Variants in BSN observed in about 807,000 individuals in gnomAD.
BSN encodes the protein bassoon presynaptic cytomatrix protein.
BSN carries 57 observed loss-of-function variants against 264.8 expected under a neutral mutation model. The ratio of observed to expected loss-of-function variants is 0.22; its 90% CI spans 0.17 to 0.27. The LOEUF (loss-of-function observed/expected upper bound fraction) is 0.27, where lower values mean the gene tolerates loss of function less well. BSN is among the 10% of genes least tolerant of loss of function. The probability of loss-of-function intolerance (pLI) is 1.00; values close to 1 mark genes in which losing one functional copy is unlikely to be tolerated. For synonymous variants in BSN, 2,059 were observed against 2,137.3 expected, an observed-to-expected ratio of 0.96 and a Z score of 1.01; for missense variants, 4,615 against 5,232.5, an observed-to-expected ratio of 0.88 and a Z score of 3.64.
downstream of BSN, among the ~76,000 whole-genome samples, chr3:49,673,086 A>ATTTTTTTTTTTTTT (rs1559625175): frequency 2.6e-4 from 1 of 3,778 alleles, no homozygotes; most frequent in Non-Finnish European, 6.6e-4. Context: ...GCCGGCCGGG[A>ATTTTTTTTTTTTTT]CTTTTTTTTT....
At chr3:49,593,779 T>G (rs1254739878) in intron 1 of BSN, among the ~76,000 whole-genome samples, 1 of 149,252 alleles carries the variant, frequency 6.7e-6, no homozygotes, top group African/African-American at 2.4e-5. Context: ...AGATACTAGT[T>G]TTTTTTTTGT....
At position 49,653,558 on chromosome 3, in the gene BSN, C is replaced by G; in HGVS notation, c.4002C>G (p.Gly1334=). 6.2e-7 allele frequency: 1 copy of G among 1,613,924 alleles called. No homozygotes were observed. The highest frequency in any genetic ancestry group is 1.7e-4 in the Middle Eastern group (1 of 6,060). The change falls in exon 5 of 12, where the codon GGC becomes GGG. Residue 1334 remains glycine, a synonymous_variant. Transcript: ENST00000296452. This position sits in a 1 kb window ranked among gnomAD's most constrained non-coding sequence, Gnocchi z 6.3. ...CCACCTCCTCAGACAGCAGCGGGGG[C>G]CGAGTTATTCCCGATGTCCGTGTCA... The part of the protein sequence containing the change: ...STPTSSDSSG[G]RVIPDVRVTQ...
intron 2 of BSN, among the ~76,000 whole-genome samples, chr3:49,636,477 G>A (rs2052420791): frequency 6.6e-6 from 1 of 152,138 alleles, no homozygotes; most frequent in Non-Finnish European, 1.5e-5. Context: ...CGGGAGGGGG[G>A]CTGTCCAGAG....
At chr3:49,559,160 C>G (rs11130206) in intron 1 of BSN, among the ~76,000 whole-genome samples, 62,202 of 151,844 alleles carry the variant, frequency 0.41, 14,482 homozygotes, top group East Asian at 0.93. Context: ...CTCCTGAGCT[C>G]AGGTGATCTG....
rs561102782 is a variant in BSN at position 49,624,537 on chromosome 3, G to A, written c.225-438G>A. ...TGGTCTTGAACTTCTGACCTCAAGT[G>A]ATCTACCTGCCTTGGCCTCCCAAAG... On this transcript the variant is annotated intron_variant, in intron 1 of 11. Transcript: ENST00000296452. Among the ~76,000 whole-genome samples, 4 of 152,100 alleles carry A rather than the reference G, an allele frequency of 2.6e-5. 1 individual carries two copies. The highest frequency in any genetic ancestry group is 9.6e-5 in the African/African-American group (4 of 41,500).
At chr3:49,610,077 T>C (rs2052193129) in intron 1 of BSN, among the ~76,000 whole-genome samples, 1 of 152,198 alleles carries the variant, frequency 6.6e-6, no homozygotes, top group Non-Finnish European at 1.5e-5. Flanking sequence ...CACTTTTCTC[T>C]GGAACCACCC....
chr3:49,662,757 C>A, intron 6 of BSN, 119 bp from the exon 7 acceptor site: 1 of 1,388,704 alleles, frequency 7.2e-7, no homozygotes, highest in Non-Finnish European at 9.6e-7. Context: ...GGGCTGGGGG[C>A]CTGCTGATCT....
rs779660722 is a variant in BSN, at chr3:49,661,068, T to G, written c.9223T>G (p.Phe3075Val). 7 of 1,611,962 alleles carry G rather than the reference T, an allele frequency of 4.3e-6. No homozygotes were observed. The highest frequency in any genetic ancestry group is 5.9e-6 in the Non-Finnish European group (7 of 1,179,818). Residue 3075 changes from phenylalanine (F) to valine (V), a missense_variant, in exon 6 of 12, where the codon TTC (phenylalanine) becomes GTC (valine). By Grantham distance (50) the Phe-to-Val change is conservative (BLOSUM62 -1). Around this residue, in one of 3 missense-constraint regions of BSN, gnomAD observed 3,415 missense variants for 3,866.4 expected, o/e 0.88. Coordinates refer to ENST00000296452, the MANE Select transcript of BSN (RefSeq NM_003458.4). The stretch of plus-strand genomic sequence containing the variant: ...CAGTGGTGGGCCAACTCAGAACGGA[T>G]TCCCAGCCCACCAGGCCCCCACCTA... The part of the protein sequence containing the change: ...AGSGGPTQNG[F>V]PAHQAPTYPG...
At chr3:49,626,110 C>G (rs2108058837) in intron 2 of BSN, among the ~76,000 whole-genome samples, 1 of 152,306 alleles carries the variant, frequency 6.6e-6, no homozygotes, top group Middle Eastern at 3.4e-3. Flanking sequence ...GTCCACAGCC[C>G]CAGCCTGGCT....
At chr3:49,609,971 T>G (rs1463728) in intron 1 of BSN, among the ~76,000 whole-genome samples, 37 of 152,234 alleles carry the variant, frequency 2.4e-4, no homozygotes, top group South Asian at 4.1e-4. Context: ...GGGTCATTCA[T>G]TCCACAAACA....
Position 49,650,729 on chromosome 3 carries a change from C to G in BSN, c.1636C>G (p.Arg546Gly). Reference protein sequence around the residue: ...SQQPPVGAPHRASGTSPLKQK... With the variant: ...SQQPPVGAPHGASGTSPLKQK... ...GCAGCCCCCTGTAGGGGCCCCTCAC[C>G]GTGCATCTGGAACATCCCCTCTGAA... Residue 546 changes from arginine to glycine, a missense_variant, in exon 4 of 12, where the codon CGT (arginine) becomes GGT (glycine). This residue lies in a region of BSN where 1,197 missense variants were observed against 1,348.0 expected (regional missense o/e 0.89). Transcript: ENST00000296452. 1.2e-6 allele frequency: 2 copies of G among 1,613,478 alleles called. No individual in the cohort carries two copies. Among genetic ancestry groups the G allele is most frequent in the Non-Finnish European group, 1.7e-6 (2 of 1,179,906 alleles).
chr3:49,612,489 G>T (rs2052216315), intron 1 of BSN, among the ~76,000 whole-genome samples: 1 of 152,198 alleles, frequency 6.6e-6, no homozygotes, highest in Non-Finnish European at 1.5e-5. Flanking sequence ...GAGGATTTTA[G>T]GAGGGGACAC....
intron 1 of BSN, among the ~76,000 whole-genome samples, chr3:49,563,176 A>G (rs2051727980): frequency 6.6e-6 from 1 of 152,224 alleles, no homozygotes; most frequent in Non-Finnish European, 1.5e-5. Flanking sequence ...AGAATGGACA[A>G]GATGACTGCA....
intron 1 of BSN, among the ~76,000 whole-genome samples, chr3:49,575,366 GTGTGTGTATATATATGTAAATATATA>G (rs1340885423): frequency 9.4e-5 from 14 of 148,852 alleles, no homozygotes; most frequent in East Asian, 2.0e-4. Context: ...ATATATATAT[GTGTGTGTATATATATGTAAATATATA>G]TGTGTGTATA....
chr3:49,662,593 T>C (rs1377040906), intron 6 of BSN, 31 bp downstream of exon 6: 1 of 1,554,328 alleles, frequency 6.4e-7, no homozygotes, highest in African/African-American at 1.4e-5. Flanking sequence ...TTTCTGCGGA[T>C]ACTCAGCAGC....
At chr3:49,645,363 A>G (rs2052497228) in intron 3 of BSN, among the ~76,000 whole-genome samples, 2 of 152,100 alleles carry the variant, frequency 1.3e-5, no homozygotes, top group Non-Finnish European at 2.9e-5. Flanking sequence ...GATTCCCACC[A>G]TAGAGACTGT....
chr3:49,585,034 C>T lies in BSN; in HGVS notation c.224+30208C>T, dbSNP rs2051924071. ...ACGTGCCACATTTTCTTTATCCATT[C>T]AGCTGTTGTTAGACACCTAGGTTGC... On this transcript the variant is annotated intron_variant, in intron 1 of 11. Coordinates refer to ENST00000296452, the MANE Select transcript of BSN (RefSeq NM_003458.4). This position sits in a 1 kb window ranked among gnomAD's most constrained non-coding sequence, Gnocchi z 4.7. 6.6e-6 allele frequency among the ~76,000 whole-genome samples: 1 copy of T among 152,112 alleles called. No homozygotes were observed. Among genetic ancestry groups the T allele is most frequent in the Admixed American group, 6.5e-5 (1 of 15,272 alleles).
chr3:49,658,228 C>G, intron 5 of BSN, 32 bp downstream of exon 5: 1 of 1,506,298 alleles, frequency 6.6e-7, no homozygotes, highest in Non-Finnish European at 8.9e-7. Flanking sequence ...CAGGGTGGGA[C>G]AGGGGTCTCT....
chr3:49,605,921 GATATAAAATCTATTTATATATAAATAT>G (rs1273363849), intron 1 of BSN, among the ~76,000 whole-genome samples: 2 of 3,160 alleles, frequency 6.3e-4, no homozygotes, highest in African/African-American at 1.9e-3. Flanking sequence ...GATATAAATA[GATATAAAATCTATTTATATATAAATAT>G]ATATAAATAT....
Sources: gnomAD v4.1 joint callset for allele counts (sites outside exome capture counted in the v4.1 genomes callset) on GRCh38, gnomAD v4.1.1 for gene constraint, gnomAD v4.1.1 regional missense constraint, Gnocchi (gnomAD v3.1) non-coding constraint, MANE v1.5 for transcripts, NCBI Gene and HGNC (gene_info 2026-07-23, HGNC 2026-07-21) for gene names.